ROBO1: variants seen among roughly 807,000 people sequenced by gnomAD.
The protein encoded by ROBO1 is roundabout homolog 1.
A neutral mutation model predicts 195.9 loss-of-function variants in ROBO1; 149 were observed. That is an observed-to-expected ratio of 0.76 (90% CI 0.67 to 0.87). The LOEUF (loss-of-function observed/expected upper bound fraction) is 0.87. Among genes scored for constraint, ROBO1 ranks in the 40% least tolerant of loss-of-function variants. The probability of loss-of-function intolerance (pLI) is 0.00; values close to 1 mark genes in which losing one functional copy is unlikely to be tolerated. For synonymous variants in ROBO1, 816 were observed against 733.2 expected, an observed-to-expected ratio of 1.11 and a Z score of -1.82; for missense variants, 1,933 against 2,068.3, an observed-to-expected ratio of 0.93 and a Z score of 1.27.
intron 2 of ROBO1, among the ~76,000 whole-genome samples, chr3:79,533,514 A>C (rs936250197): frequency 1.3e-5 from 2 of 152,114 alleles, no homozygotes; most frequent in Non-Finnish European, 2.9e-5. Flanking sequence ...ACTTCCTTTT[A>C]TCAAACTGCT....
chr3:79,742,898 G>A (rs1703709589), intron 1 of ROBO1, among the ~76,000 whole-genome samples: 1 of 152,188 alleles, frequency 6.6e-6, no homozygotes, highest in Non-Finnish European at 1.5e-5. Flanking sequence ...TGGGCTTTGG[G>A]TTGGAATGTG....
intron 2 of ROBO1, among the ~76,000 whole-genome samples, chr3:79,442,183 T>C (rs940805113): frequency 1.3e-5 from 2 of 152,194 alleles, no homozygotes; most frequent in Admixed American, 1.3e-4. Context: ...GATGAAATCC[T>C]TATTCATGTA....
chr3:78,896,304 C>A (rs1166348757), intron 4 of ROBO1, among the ~76,000 whole-genome samples: 1 of 152,076 alleles, frequency 6.6e-6, no homozygotes, highest in Non-Finnish European at 1.5e-5. Context: ...GCCATCATAT[C>A]CCCAGTGACC....
At chr3:79,320,114 C>A (rs917700439) in intron 2 of ROBO1, among the ~76,000 whole-genome samples, 1 of 152,138 alleles carries the variant, frequency 6.6e-6, no homozygotes, top group Non-Finnish European at 1.5e-5. Context: ...AAAATTATTT[C>A]TCACAGTTCT....
chr3:79,367,300 T>G (rs1312493499), intron 2 of ROBO1, among the ~76,000 whole-genome samples: 2 of 152,190 alleles, frequency 1.3e-5, no homozygotes, highest in Non-Finnish European at 2.9e-5. Context: ...TTTCCAGCTT[T>G]CAAGTGACCA....
chr3:79,348,097 G>C (rs2035193650), intron 2 of ROBO1, among the ~76,000 whole-genome samples: 1 of 151,686 alleles, frequency 6.6e-6, no homozygotes, highest in Non-Finnish European at 1.5e-5. Flanking sequence ...TGTAATCCCA[G>C]TGACTTGGGA....
intron 2 of ROBO1, among the ~76,000 whole-genome samples, chr3:79,288,846 A>G (rs1161237690): frequency 6.6e-6 from 1 of 152,126 alleles, no homozygotes; most frequent in African/African-American, 2.4e-5. Flanking sequence ...TGTAGAACCC[A>G]AATAAATATA....
chr3:79,462,434 T>C (rs2107268512), intron 2 of ROBO1, among the ~76,000 whole-genome samples: 1 of 152,348 alleles, frequency 6.6e-6, no homozygotes, highest in South Asian at 2.1e-4. Flanking sequence ...ATAGTAGATT[T>C]TAAGAAATCA....
At chr3:79,078,248 C>T (rs2079210074) in intron 3 of ROBO1, among the ~76,000 whole-genome samples, 1 of 151,688 alleles carries the variant, frequency 6.6e-6, no homozygotes, top group Non-Finnish European at 1.5e-5. Flanking sequence ...AATATTGATT[C>T]TGGATGCATG....
intron 2 of ROBO1, among the ~76,000 whole-genome samples, chr3:79,294,415 G>C (rs1334261025): frequency 1.3e-5 from 2 of 152,074 alleles, no homozygotes; most frequent in African/African-American, 4.8e-5. Context: ...ACTGAAACTG[G>C]AACCCTTCCT....
intron 4 of ROBO1, among the ~76,000 whole-genome samples, chr3:78,883,168 G>C (rs531015205): frequency 2.6e-5 from 4 of 151,678 alleles, no homozygotes; most frequent in African/African-American, 9.7e-5. Flanking sequence ...GAGACAAGTC[G>C]TTGTGTTTAG....
At chr3:79,061,927 G>C (rs968413963) in intron 3 of ROBO1, among the ~76,000 whole-genome samples, 2 of 152,074 alleles carry the variant, frequency 1.3e-5, no homozygotes, top group South Asian at 4.1e-4. Flanking sequence ...TACCATTCAG[G>C]ACATAGGCAT....
intron 4 of ROBO1, among the ~76,000 whole-genome samples, chr3:78,826,228 T>C (rs2031586344): frequency 6.6e-6 from 1 of 152,200 alleles, no homozygotes; most frequent in African/African-American, 2.4e-5. Context: ...TTTAGTCTCA[T>C]GTAATCCTGC....
At chr3:79,650,572 T>C (rs915950546) in intron 1 of ROBO1, among the ~76,000 whole-genome samples, 19 of 151,888 alleles carry the variant, frequency 1.3e-4, no homozygotes, top group African/African-American at 4.6e-4. Flanking sequence ...ATTAAGTTCA[T>C]TGAAGTATTG....
At chr3:78,764,502 T>C (rs1417575942) in intron 4 of ROBO1, among the ~76,000 whole-genome samples, 1 of 152,172 alleles carries the variant, frequency 6.6e-6, no homozygotes, top group African/African-American at 2.4e-5. Context: ...AAAATATTAA[T>C]GGAAAGTCTT....
chr3:79,552,103 A>G (rs181572036), intron 2 of ROBO1, among the ~76,000 whole-genome samples: 54 of 151,700 alleles, frequency 3.6e-4, no homozygotes, highest in African/African-American at 1.3e-3. Context: ...GCCTAGCTCA[A>G]AAGGCTACCT....
At chr3:78,744,910 T>C (rs1318703351) in intron 5 of ROBO1, among the ~76,000 whole-genome samples, 3 of 152,224 alleles carry the variant, frequency 2.0e-5, no homozygotes, top group African/African-American at 7.2e-5. Context: ...TTTAATTTAC[T>C]GTATATTACA....
At position 79,036,532 on chromosome 3, in the gene ROBO1, C is replaced by T. The variant is rs143073838; in HGVS notation, c.172+88924G>A. Reference sequence around the variant, plus strand: ...TGGAAGGAATCTTTATGTAGATGGTCTTACACAAATTTATTAAAACCACAA... The same window carrying T: ...TGGAAGGAATCTTTATGTAGATGGTTTTACACAAATTTATTAAAACCACAA... On this transcript the variant is annotated intron_variant, in intron 3 of 30. Coordinates refer to ENST00000464233, the MANE Select transcript of ROBO1 (RefSeq NM_002941.4). Among the ~76,000 whole-genome samples the T allele has an allele frequency of 8.0e-3, 1,221 of 152,136 alleles. 22 individuals carry two copies. The highest frequency in any genetic ancestry group is 0.028 in the African/African-American group (1,144 of 41,514).
chr3:78,737,094 A>C (rs2082410078), intron 5 of ROBO1, among the ~76,000 whole-genome samples: 1 of 152,184 alleles, frequency 6.6e-6, no homozygotes, highest in Non-Finnish European at 1.5e-5. Flanking sequence ...TTGCCCAATA[A>C]AGGTACACAT....
Sources: allele counts gnomAD v4.1 joint callset (sites outside exome capture counted in the v4.1 genomes callset), GRCh38; gene constraint gnomAD v4.1.1; transcripts MANE v1.5; gene names NCBI Gene and HGNC (gene_info 2026-07-23, HGNC 2026-07-21).